Variants in FANK1 observed in about 807,000 individuals in gnomAD.
FANK1 encodes fibronectin type 3 and ankyrin repeat domains protein 1.
In FANK1, 44 loss-of-function variants were observed where a neutral mutation model predicts 45.3. That is an observed-to-expected ratio of 0.97 (90% confidence interval 0.76 to 1.25). The LOEUF is 1.25. FANK1 is among the 50% of genes most tolerant of loss of function. The pLI is 0.00. For missense variants in FANK1, 391 were observed against 424.4 expected (o/e 0.92, Z 0.69); for synonymous variants, 149 against 152.5 (o/e 0.98, Z 0.17).
At chr10:125,995,071 A>G (rs10901501) in intron 3 of FANK1, 165,724 of 431,420 alleles carry the variant, frequency 0.38, 33,687 homozygotes, top group South Asian at 0.44. Context: ...TAAAACTAGC[A>G]TATTGTGACA....
rs528017275 is a variant in FANK1, at chr10:126,000,259, T to C, written c.539+2774T>C. ...TCTTGGGAACCTGTCAAAATGATTGTAATTTATCTAGAAGAACAAATAGAT... is the reference window on the plus strand; with the variant it reads ...TCTTGGGAACCTGTCAAAATGATTGCAATTTATCTAGAAGAACAAATAGAT... On this transcript the variant is annotated intron_variant, in intron 6 of 10. Coordinates refer to ENST00000368693, the MANE Select transcript of FANK1 (RefSeq NM_145235.5). Among the ~76,000 whole-genome samples the C allele has an allele frequency of 1.6e-4, 24 of 152,370 alleles. No individual in the cohort carries two copies. In the East Asian group the frequency reaches 4.6e-3, roughly 29 times the overall value.
At chr10:125,975,977 C>T (rs778295581) in intron 1 of FANK1, among the ~76,000 whole-genome samples, 16 of 152,020 alleles carry the variant, frequency 1.1e-4, no homozygotes, top group Non-Finnish European at 1.9e-4. Flanking sequence ...TCTTTCCTTT[C>T]TATATTTACT....
intron 1 of FANK1, among the ~76,000 whole-genome samples, chr10:125,911,949 A>ACC (rs1946048892): frequency 6.6e-6 from 1 of 152,204 alleles, no homozygotes; most frequent in African/African-American, 2.4e-5. Context: ...TGATAGTTAG[A>ACC]GGGGAAAAAA....
At chr10:125,970,795 C>T (rs531969746) in intron 1 of FANK1, among the ~76,000 whole-genome samples, 6 of 152,130 alleles carry the variant, frequency 3.9e-5, no homozygotes, top group East Asian at 1.9e-4. Context: ...AGAGGGGGAC[C>T]GTGGAAAGTG....
intron 1 of FANK1, among the ~76,000 whole-genome samples, chr10:125,902,541 T>A (rs1299655094): frequency 6.6e-6 from 1 of 152,232 alleles, no homozygotes; most frequent in East Asian, 1.9e-4. Context: ...GAAGTGCCTC[T>A]TGTGGATTGT....
chr10:125,954,335 A>C (rs1036305966), intron 1 of FANK1, among the ~76,000 whole-genome samples: 14 of 152,206 alleles, frequency 9.2e-5, no homozygotes, highest in African/African-American at 2.7e-4. Context: ...AACGAAGAGC[A>C]AGGATGCTGA....
At chr10:125,941,900 T>G (rs1223319702) in intron 1 of FANK1, among the ~76,000 whole-genome samples, 1 of 152,214 alleles carries the variant, frequency 6.6e-6, no homozygotes, top group Non-Finnish European at 1.5e-5. Flanking sequence ...ATAGGGATAA[T>G]GTATGCAAAA....
intron 1 of FANK1, among the ~76,000 whole-genome samples, chr10:125,931,222 G>T (rs921036635): frequency 6.6e-6 from 1 of 152,192 alleles, no homozygotes; most frequent in African/African-American, 2.4e-5. Flanking sequence ...TTTCCTCTGG[G>T]TAGATACCCA....
At chr10:126,005,255 G>T (rs546286034) in intron 7 of FANK1, among the ~76,000 whole-genome samples, 1 of 151,926 alleles carries the variant, frequency 6.6e-6, no homozygotes, top group Non-Finnish European at 1.5e-5. Context: ...CTTGTGTAGG[G>T]AAAAGAAACA....
At chr10:125,973,314 C>T (rs968875958) in intron 1 of FANK1, 9 of 389,550 alleles carry the variant, frequency 2.3e-5, no homozygotes, top group African/African-American at 1.8e-4. Flanking sequence ...TACTTGTTGG[C>T]TTCTGGTTAT....
chr10:125,968,401 G>A (rs1173152328), intron 1 of FANK1, among the ~76,000 whole-genome samples: 2 of 152,188 alleles, frequency 1.3e-5, no homozygotes, highest in Non-Finnish European at 2.9e-5. Context: ...ATATGCCACC[G>A]GAGGCTAGAC....
At chr10:125,958,259 T>C (rs1304546046) in intron 1 of FANK1, among the ~76,000 whole-genome samples, 1 of 152,166 alleles carries the variant, frequency 6.6e-6, no homozygotes, top group Non-Finnish European at 1.5e-5. Context: ...TTCTGTGTGA[T>C]CAACATTTTT....
intron 1 of FANK1, among the ~76,000 whole-genome samples, chr10:125,942,906 C>T (rs533463679): frequency 2.0e-5 from 3 of 151,610 alleles, no homozygotes; most frequent in Non-Finnish European, 4.4e-5. Flanking sequence ...ATCTGCCTCC[C>T]GGGTTCCAGC....
intron 3 of FANK1, among the ~76,000 whole-genome samples, chr10:125,991,250 GGTGTGTGT>G (rs113257579): frequency 0.038 from 5,574 of 145,984 alleles, 357 homozygotes; most frequent in African/African-American, 0.13. Context: ...GGTGACCAGG[GGTGTGTGT>G]GTGTGTGTGT....
Position 125,989,449 on chromosome 10 carries a change from T to C in FANK1, c.316+774T>C, listed in dbSNP as rs866221448. 4.5e-5 allele frequency: 56 copies of C among 1,241,622 alleles called. No individual in the cohort carries two copies. In the African/African-American group the frequency reaches 8.2e-4, roughly 18 times the overall value. The allele number at this position is 1,241,622 out of a possible 1,614,324, so 76.9% of individuals were successfully genotyped here. A position where few individuals can be genotyped will look rare whatever the true frequency, so the allele number is the denominator to read the frequency against. On this transcript the variant is annotated intron_variant, in intron 3 of 10. Transcript: ENST00000368693. ...TTCCAGGTAGCATTTGGCTTGGAGG[T>C]ATGTGCTTTCCATGGCTTTCAACTG...
chr10:125,914,024 A>G (rs182867428), intron 1 of FANK1, among the ~76,000 whole-genome samples: 1 of 152,044 alleles, frequency 6.6e-6, no homozygotes, highest in African/African-American at 2.4e-5. Flanking sequence ...CCAGCAGTGA[A>G]TATCATGGGA....
chr10:125,942,175 GC>G (rs1948492805), intron 1 of FANK1, among the ~76,000 whole-genome samples: 5 of 152,200 alleles, frequency 3.3e-5, no homozygotes. Flanking sequence ...TAGATAAAAT[GC>G]TAGGAGTAAA....
At chr10:125,944,479 T>C (rs2134157414) in intron 1 of FANK1, among the ~76,000 whole-genome samples, 1 of 152,312 alleles carries the variant, frequency 6.6e-6, no homozygotes, top group South Asian at 2.1e-4. Context: ...CACTTAACAA[T>C]TCAATACCTT....
intron 1 of FANK1, among the ~76,000 whole-genome samples, chr10:125,925,966 A>C (rs940644123): frequency 6.6e-6 from 1 of 151,762 alleles, no homozygotes; most frequent in Non-Finnish European, 1.5e-5. Context: ...CCTTCTTTTC[A>C]ATTGGTGGGA....
Sources: allele counts gnomAD v4.1 joint callset (sites outside exome capture counted in the v4.1 genomes callset), GRCh38; gene constraint gnomAD v4.1.1; transcripts MANE v1.5; gene names NCBI Gene and HGNC (gene_info 2026-07-23, HGNC 2026-07-21).